Variants in ZNF8 observed in about 807,000 individuals in gnomAD.
The protein encoded by ZNF8 is zinc finger protein 272.
Under a neutral mutation model 12.2 loss-of-function variants are expected in ZNF8, and 9 were observed. The observed-to-expected ratio is 0.73, with a 90% CI of 0.44 to 1.28. ZNF8 has a LOEUF of 1.28. Among genes scored for constraint, ZNF8 ranks in the 50% most tolerant of loss-of-function variants. ZNF8 has a pLI of 0.00. For synonymous variants in ZNF8, 274 were observed against 282.3 expected, an observed-to-expected ratio of 0.97 and a Z score of 0.30; for missense variants, 664 against 729.1, an observed-to-expected ratio of 0.91 and a Z score of 1.03.
chr19:58,295,878 G>A lies in ZNF8; in HGVS notation c.*342G>A, dbSNP rs1384508194. Reference sequence around the variant, plus strand: ...GTAATTTATGGTAGAGTAAATTGTAGAGTAACGTGTACTGACTTGGTGCAG... The same window carrying A: ...GTAATTTATGGTAGAGTAAATTGTAAAGTAACGTGTACTGACTTGGTGCAG... On this transcript the variant is annotated 3_prime_UTR_variant, in exon 4 of 4. Transcript: ENST00000621650. 4.0e-6 allele frequency: 1 copy of A among 252,580 alleles called. No homozygotes were observed. Among genetic ancestry groups the A allele is most frequent in the Non-Finnish European group, 7.7e-6 (1 of 130,686 alleles). The allele number at this position is 252,580 out of a possible 1,614,324, so 15.6% of individuals were successfully genotyped here.
At chr19:58,279,784 A>C in intron 1 of ZNF8, 2 of 1,460,932 alleles carry the variant, frequency 1.4e-6, no homozygotes. Context: ...TTTCTAGACA[A>C]AGTGGTTGCG....
In ZNF8 at chr19:58,299,778, A is replaced by G. The variant is rs2147964251; in HGVS notation, c.*4242A>G. 1 of 152,214 alleles carries G rather than the reference A, an allele frequency of 6.6e-6. No homozygotes were observed. The highest frequency in any genetic ancestry group is 2.4e-5 in the African/African-American group (1 of 41,524). 9.4% of individuals were successfully genotyped at this position (152,214 alleles called of 1,614,324 possible). ...AGCTAGACTCCATCTCGAAAAAAAT[A>G]AAAGAACTTCCCGTGTCCGTTTTTG... On this transcript the variant is annotated 3_prime_UTR_variant, in exon 4 of 4. Coordinates refer to ENST00000621650, the MANE Select transcript of ZNF8 (RefSeq NM_021089.3).
chr19:58,279,358 C>A, intron 1 of ZNF8: 1 of 1,464,262 alleles, frequency 6.8e-7, no homozygotes. Context: ...CCCCCGAATG[C>A]GCATGCTCCA....
At chr19:58,290,350 G>A (rs1020300004) in intron 3 of ZNF8, among the ~76,000 whole-genome samples, 12 of 150,396 alleles carry the variant, frequency 8.0e-5, no homozygotes, top group Admixed American at 4.7e-4. Context: ...TCCTGACCTC[G>A]TGATCCGCCC....
chr19:58,292,154 G>T (rs1224664532), intron 3 of ZNF8, among the ~76,000 whole-genome samples: 1 of 152,186 alleles, frequency 6.6e-6, no homozygotes, highest in African/African-American at 2.4e-5. Flanking sequence ...CAGCGGTTTT[G>T]AGTATATTCT....
rs955559943 is a variant in ZNF8, at chr19:58,278,992, G to T, written c.-90G>T. 125 of 1,340,756 alleles carry T rather than the reference G, an allele frequency of 9.3e-5. No homozygotes were observed. The highest frequency in any genetic ancestry group is 9.0e-5 in the Non-Finnish European group (93 of 1,035,490). 83.1% of individuals were successfully genotyped at this position (1,340,756 alleles called of 1,614,324 possible). A position where few individuals can be genotyped will look rare whatever the true frequency, so the allele number is the denominator to read the frequency against. ...TCGCCGGTGCGGCCGCCATTGTCCG[G>T]CGTTCGGCGAGTCGGGTGGTCCCTT... On this transcript the variant is annotated 5_prime_UTR_variant, in exon 1 of 4. Coordinates refer to ENST00000621650, the MANE Select transcript of ZNF8 (RefSeq NM_021089.3).
intron 3 of ZNF8, among the ~76,000 whole-genome samples, chr19:58,293,743 T>A (rs905717907): frequency 6.6e-6 from 1 of 152,108 alleles, no homozygotes; most frequent in Non-Finnish European, 1.5e-5. Flanking sequence ...ATGCAAGGAT[T>A]TTCCCCAGAA....
In ZNF8 at chr19:58,299,700, C is replaced by CA. The variant is rs2051479935; in HGVS notation, c.*4165dup. 1 of 151,978 alleles carries CA rather than the reference C, an allele frequency of 6.6e-6. No individual in the cohort carries two copies. The highest frequency in any genetic ancestry group is 2.1e-4 in the South Asian group (1 of 4,818). The allele number at this position is 151,978 out of a possible 1,614,324, so 9.4% of individuals were successfully genotyped here. ...GGGAGAATGGCGTGAACCTGGGAGGCAGAGCTTGCAGTGAGCTGAGATAGT... is the reference window on the plus strand; with the variant it reads ...GGGAGAATGGCGTGAACCTGGGAGGCAAGAGCTTGCAGTGAGCTGAGATAGT... On this transcript the variant is annotated 3_prime_UTR_variant, in exon 4 of 4. Coordinates refer to ENST00000621650, the MANE Select transcript of ZNF8 (RefSeq NM_021089.3).
At chr19:58,282,317 C>T (rs2051355400) in intron 1 of ZNF8, among the ~76,000 whole-genome samples, 1 of 152,046 alleles carries the variant, frequency 6.6e-6, no homozygotes, top group Non-Finnish European at 1.5e-5. Context: ...AGATTCTTTG[C>T]CTATTTTAAC....
chr19:58,286,080 C>A, intron 2 of ZNF8, 30 bp from the exon 3 acceptor site: 1 of 1,607,270 alleles, frequency 6.2e-7, no homozygotes, highest in South Asian at 1.1e-5. Context: ...TGAGCAGCCC[C>A]TCACCTCCTG....
At position 58,300,792 on chromosome 19, in the gene ZNF8, G is replaced by C. The variant is rs764394569; in HGVS notation, c.*5256G>C. The C allele has an allele frequency of 3.9e-5, 6 of 152,544 alleles. No homozygotes were observed. Among genetic ancestry groups the C allele is most frequent in the Non-Finnish European group, 8.8e-5 (6 of 68,406 alleles). 9.4% of individuals were successfully genotyped at this position (152,544 alleles called of 1,614,324 possible). On this transcript the variant is annotated 3_prime_UTR_variant, in exon 4 of 4. Coordinates refer to ENST00000621650, the MANE Select transcript of ZNF8 (RefSeq NM_021089.3). ...TGGCAGCTCACACCTCAGACCTGCT[G>C]TCCGCCCCCACTGCTTCACAGAACC...
In ZNF8 at chr19:58,294,038, G is replaced by GA; in HGVS notation, c.290-60_290-59insA. ...CAATATCAGGCCTATGGTGTTGGAG[G>GA]CCTGTCCCCCTTCCGTTTTTTTCTC... On this transcript the variant is annotated intron_variant, in intron 3 of 3. Transcript: ENST00000621650. The surrounding 1 kb of genome is among the most constrained non-coding windows in gnomAD (Gnocchi z 5.5). 6.8e-7 allele frequency: 1 copy of GA among 1,481,446 alleles called. No homozygotes were observed. The highest frequency in any genetic ancestry group is 2.0e-5 in the Admixed American group (1 of 49,620). 91.8% of individuals were successfully genotyped at this position (1,481,446 alleles called of 1,614,324 possible).
chr19:58,302,763 A>T lies in ZNF8; in HGVS notation c.*7227A>T, dbSNP rs2051498194. Reference sequence around the variant, plus strand: ...ATACATAAACCCTTTGTCTAAGCAAACTTGCTGGGAATAAATCCTACACAT... The same window carrying T: ...ATACATAAACCCTTTGTCTAAGCAATCTTGCTGGGAATAAATCCTACACAT... On this transcript the variant is annotated 3_prime_UTR_variant, in exon 4 of 4. Coordinates refer to ENST00000621650, the MANE Select transcript of ZNF8 (RefSeq NM_021089.3). The T allele has an allele frequency of 6.6e-6, 1 of 152,180 alleles. No individual in the cohort carries two copies. The highest frequency in any genetic ancestry group is 6.5e-5 in the Admixed American group (1 of 15,274). The allele number at this position is 152,180 out of a possible 1,614,324, so 9.4% of individuals were successfully genotyped here.
intron 1 of ZNF8, chr19:58,279,995 A>G (rs1217387062): frequency 1.6e-6 from 1 of 606,140 alleles, no homozygotes; most frequent in South Asian, 2.0e-5. Context: ...GTGTTGCTCC[A>G]AATTTGCATG....
chr19:58,291,230 C>G (rs536288654), intron 3 of ZNF8, among the ~76,000 whole-genome samples: 2 of 152,166 alleles, frequency 1.3e-5, no homozygotes, highest in African/African-American at 4.8e-5. Flanking sequence ...TCCTGGCTGA[C>G]TACAGTCCCA....
In ZNF8 at chr19:58,302,587, G is replaced by C. The variant is rs955826793; in HGVS notation, c.*7051G>C. 1.3e-5 allele frequency: 2 copies of C among 152,176 alleles called. No individual in the cohort carries two copies. The highest frequency in any genetic ancestry group is 2.9e-5 in the Non-Finnish European group (2 of 68,022). The allele number at this position is 152,176 out of a possible 1,614,324, so 9.4% of individuals were successfully genotyped here. On this transcript the variant is annotated 3_prime_UTR_variant, in exon 4 of 4. Coordinates refer to ENST00000621650, the MANE Select transcript of ZNF8 (RefSeq NM_021089.3). ...AGCTCTTTAAATTAACTTTCAGGAG[G>C]ATTGTAACAATGTGCTCTCCACCCA... is the stretch of plus-strand genomic sequence containing the variant.
intron 1 of ZNF8, chr19:58,280,066 G>A: frequency 2.8e-6 from 1 of 362,660 alleles, no homozygotes; most frequent in Non-Finnish European, 5.2e-6. Flanking sequence ...TGAGTCGTAA[G>A]AAAGGCTTGA....
intron 3 of ZNF8, among the ~76,000 whole-genome samples, chr19:58,291,123 C>T (rs540061094): frequency 1.4e-4 from 22 of 152,206 alleles, no homozygotes; most frequent in African/African-American, 7.2e-5. Context: ...GATGGCTGGG[C>T]GATCTCAAGC....
At chr19:58,290,183 G>A (rs569683090) in intron 3 of ZNF8, among the ~76,000 whole-genome samples, 2 of 130,284 alleles carry the variant, frequency 1.5e-5, no homozygotes, top group East Asian at 2.3e-4. Flanking sequence ...GCGCAATCTC[G>A]GCTCATTGCA....
Sources: gnomAD v4.1 joint callset for allele counts (sites outside exome capture counted in the v4.1 genomes callset) on GRCh38, gnomAD v4.1.1 for gene constraint, Gnocchi (gnomAD v3.1) non-coding constraint, MANE v1.5 for transcripts, NCBI Gene and HGNC (gene_info 2026-07-23, HGNC 2026-07-21) for gene names.